The following MTUS2 variants were observed in gnomAD, a reference collection of about 807,000 sequenced individuals.
The protein encoded by MTUS2 is microtubule associated scaffold protein 2, also known as microtubule-associated tumor suppressor candidate 2.
Under a neutral mutation model 114.1 loss-of-function variants are expected in MTUS2, and 40 were observed. That is an observed-to-expected ratio of 0.35 (90% CI 0.27 to 0.46). The LOEUF is 0.46. MTUS2 is among the 20% of genes least tolerant of loss of function. The pLI is 1.00. For synonymous variants in MTUS2, 688 were observed against 672.0 expected (o/e 1.02, Z -0.37); for missense variants, 1,679 against 1,705.4 (o/e 0.98, Z 0.27).
chr13:29,018,736 G>A (rs1886168675), intron 2 of MTUS2, among the ~76,000 whole-genome samples: 1 of 151,930 alleles, frequency 6.6e-6, no homozygotes, highest in African/African-American at 2.4e-5. Context: ...CTCCAGCCTG[G>A]GTGACAGAGT....
chr13:28,859,652 G>T (rs1173729108), intron 2 of MTUS2, among the ~76,000 whole-genome samples: 1 of 152,092 alleles, frequency 6.6e-6, no homozygotes, highest in Non-Finnish European at 1.5e-5. Context: ...TTGTATTTTT[G>T]CAAAACATAT....
chr13:29,404,629 G>C (rs559293496), intron 8 of MTUS2, among the ~76,000 whole-genome samples: 1 of 152,256 alleles, frequency 6.6e-6, no homozygotes, highest in African/African-American at 2.4e-5. Flanking sequence ...TCACCTAACT[G>C]GTAAATTCAG....
At chr13:29,347,417 G>T (rs371221909) in intron 7 of MTUS2, among the ~76,000 whole-genome samples, 1 of 68,544 alleles carries the variant, frequency 1.5e-5, no homozygotes, top group African/African-American at 3.6e-5. Flanking sequence ...TTTGGTCCAT[G>T]GTTATTTGGA....
chr13:28,976,978 TTAGGTTTTATGATA>T (rs1884139039), intron 2 of MTUS2, among the ~76,000 whole-genome samples: 1 of 152,078 alleles, frequency 6.6e-6, no homozygotes, highest in Non-Finnish European at 1.5e-5. Context: ...GAGAAGGGGC[TTAGGTTTTATGATA>T]TACCCTTCCC....
At chr13:29,450,548 A>T (rs113025138) in intron 9 of MTUS2, among the ~76,000 whole-genome samples, 7,006 of 152,342 alleles carry the variant, frequency 0.046, 199 homozygotes, top group South Asian at 0.065. Flanking sequence ...ACCAGCAGAA[A>T]AAATAACGAA....
At chr13:29,056,258 A>G (rs747234952) in intron 4 of MTUS2, among the ~76,000 whole-genome samples, 3 of 151,992 alleles carry the variant, frequency 2.0e-5, no homozygotes, top group Non-Finnish European at 4.4e-5. Flanking sequence ...TGATTTTTGT[A>G]TGTGGTGTAA....
At chr13:29,229,999 C>G (rs544684039) in intron 5 of MTUS2, among the ~76,000 whole-genome samples, 78 of 152,318 alleles carry the variant, frequency 5.1e-4, no homozygotes, top group African/African-American at 1.8e-3. Flanking sequence ...GTAATCCCAG[C>G]ACTTTGGGTG....
intron 2 of MTUS2, among the ~76,000 whole-genome samples, chr13:28,882,451 T>C (rs765719474): frequency 6.6e-5 from 10 of 152,020 alleles, no homozygotes; most frequent in Non-Finnish European, 1.2e-4. Flanking sequence ...AAACAGACTT[T>C]TGGAGCTTGG....
chr13:29,094,476 G>A (rs1047270140), intron 4 of MTUS2, among the ~76,000 whole-genome samples: 3 of 151,898 alleles, frequency 2.0e-5, no homozygotes, highest in African/African-American at 7.2e-5. Flanking sequence ...TTGTTGAGAT[G>A]CAGTTGTTCA....
chr13:28,885,169 C>T (rs1878518774), intron 2 of MTUS2, among the ~76,000 whole-genome samples: 1 of 152,140 alleles, frequency 6.6e-6, no homozygotes. Context: ...TGCTTTTTAT[C>T]TTGCTCTGCA....
chr13:28,850,096 A>G (rs1876166783), intron 2 of MTUS2, among the ~76,000 whole-genome samples: 1 of 152,156 alleles, frequency 6.6e-6, no homozygotes, highest in African/African-American at 2.4e-5. Flanking sequence ...ATCAGGGCCC[A>G]CTGGATGGAC....
chr13:29,312,163 C>T (rs757722722), intron 6 of MTUS2, among the ~76,000 whole-genome samples: 2 of 152,192 alleles, frequency 1.3e-5, no homozygotes, highest in Non-Finnish European at 2.9e-5. Flanking sequence ...GCTCCTCCTC[C>T]ATGCTCCCAG....
At chr13:28,915,414 A>G (rs1275305374) in intron 2 of MTUS2, among the ~76,000 whole-genome samples, 1 of 152,010 alleles carries the variant, frequency 6.6e-6, no homozygotes, top group Admixed American at 6.6e-5. Context: ...ATTTCAACCA[A>G]CAATGTATGA....
At chr13:29,432,002 G>A (rs1877024478) in intron 8 of MTUS2, among the ~76,000 whole-genome samples, 1 of 144,036 alleles carries the variant, frequency 6.9e-6, no homozygotes, top group South Asian at 2.2e-4. Context: ...GCACTACCAC[G>A]CTCAGCTATT....
chr13:29,113,063 G>A (rs903405049), intron 5 of MTUS2, among the ~76,000 whole-genome samples: 1 of 152,164 alleles, frequency 6.6e-6, no homozygotes, highest in Non-Finnish European at 1.5e-5. Flanking sequence ...TTTTAGGGCC[G>A]TCTCCAGTGA....
At chr13:29,040,770 A>G (rs1887316545) in intron 4 of MTUS2, among the ~76,000 whole-genome samples, 1 of 151,900 alleles carries the variant, frequency 6.6e-6, no homozygotes, top group African/African-American at 2.4e-5. Context: ...AGAATTGTCT[A>G]TTCATTTCTT....
At chr13:28,923,550 G>A (rs1344098249) in intron 2 of MTUS2, among the ~76,000 whole-genome samples, 2 of 152,198 alleles carry the variant, frequency 1.3e-5, no homozygotes, top group South Asian at 2.1e-4. Flanking sequence ...GGTGCTGGCC[G>A]ATGGGGTGGA....
chr13:28,825,396 C>T (rs912295606), intron 1 of MTUS2, among the ~76,000 whole-genome samples: 4 of 152,138 alleles, frequency 2.6e-5, no homozygotes, highest in Non-Finnish European at 5.9e-5. Context: ...GGCTCTTTCT[C>T]GAGGAATGTC....
At chr13:29,470,888 A>G (rs970533104) in intron 9 of MTUS2, among the ~76,000 whole-genome samples, 2 of 151,938 alleles carry the variant, frequency 1.3e-5, no homozygotes, top group African/African-American at 4.8e-5. Flanking sequence ...ATCTCTCCAC[A>G]TTCTTCTCTG....
Sources: allele counts gnomAD v4.1 joint callset (sites outside exome capture counted in the v4.1 genomes callset), GRCh38; gene constraint gnomAD v4.1.1; transcripts MANE v1.5; gene names NCBI Gene and HGNC (gene_info 2026-07-23, HGNC 2026-07-21).